Variants in ZFPM2 observed in about 807,000 individuals in gnomAD.
ZFPM2 encodes the protein zinc finger protein, FOG family member 2, also known as zinc finger protein ZFPM2.
ZFPM2 carries 20 observed loss-of-function variants against 98.6 expected under a neutral mutation model. That is an observed-to-expected ratio of 0.20 (90% confidence interval 0.14 to 0.29). ZFPM2 has a LOEUF of 0.29. ZFPM2 is among the 10% of genes least tolerant of loss of function. ZFPM2 has a pLI of 1.00. For missense variants in ZFPM2, 1,310 were observed against 1,388.6 expected (o/e 0.94, Z 0.90); for synonymous variants, 518 against 502.7 (o/e 1.03, Z -0.41).
intron 4 of ZFPM2, among the ~76,000 whole-genome samples, chr8:105,633,041 G>A (rs1586163462): frequency 6.6e-6 from 1 of 152,034 alleles, no homozygotes; most frequent in Admixed American, 6.6e-5. Flanking sequence ...TTTTCAGTAC[G>A]GCTTTGCAGT....
At chr8:105,487,992 CA>C (rs1813269139) in intron 3 of ZFPM2, among the ~76,000 whole-genome samples, 1 of 151,340 alleles carries the variant, frequency 6.6e-6, no homozygotes, top group South Asian at 2.1e-4. Flanking sequence ...AGTTTTACAG[CA>C]AAATTGAGAG....
intron 5 of ZFPM2, among the ~76,000 whole-genome samples, chr8:105,776,611 T>A (rs78130260): frequency 0.054 from 8,190 of 152,320 alleles, 294 homozygotes; most frequent in East Asian, 0.11. Context: ...CTTATTTATC[T>A]ACTTTTACTT....
Position 105,801,285 on chromosome 8 carries a change from A to T in ZFPM2, c.1203A>T (p.Pro401=), listed in dbSNP as rs1420867915. 4.2e-5 allele frequency: 68 copies of T among 1,613,934 alleles called. No homozygotes were observed. The highest frequency in any genetic ancestry group is 5.8e-5 in the Non-Finnish European group (68 of 1,179,870). ...GAGAAAGTGACATGGAACACTCTCC[A>T]AGTGCAACTGAAGACAGCTTACAGC... ...LPRESDMEHS[P]SATEDSLQPA... is the part of the protein sequence containing the mutation. Residue 401 remains proline, a synonymous_variant, in exon 8 of 8, where the codon CCA becomes CCT. Transcript: ENST00000407775.
chr8:105,752,543 G>A (rs1311612313), intron 5 of ZFPM2, among the ~76,000 whole-genome samples: 4 of 152,124 alleles, frequency 2.6e-5, no homozygotes, highest in African/African-American at 9.7e-5. Context: ...GCCCGTGGAC[G>A]TTCTCTCCTT....
intron 1 of ZFPM2, among the ~76,000 whole-genome samples, chr8:105,324,445 G>T (rs1388247692): frequency 6.6e-6 from 1 of 151,696 alleles, no homozygotes; most frequent in Non-Finnish European, 1.5e-5. Context: ...TGCTATTCAA[G>T]AACTAATTAG....
intron 5 of ZFPM2, among the ~76,000 whole-genome samples, chr8:105,727,880 G>A (rs1425827186): frequency 6.6e-6 from 1 of 151,248 alleles, no homozygotes; most frequent in East Asian, 2.0e-4. Context: ...AAGTTCAACA[G>A]CAGACAAAGG....
At chr8:105,781,883 T>G (rs954571513) in intron 5 of ZFPM2, among the ~76,000 whole-genome samples, 2 of 152,230 alleles carry the variant, frequency 1.3e-5, no homozygotes, top group Non-Finnish European at 1.5e-5. Context: ...TTCAGAGAGA[T>G]AATTGTGCCA....
chr8:105,369,889 C>T (rs1483351005), intron 1 of ZFPM2, among the ~76,000 whole-genome samples: 8 of 152,016 alleles, frequency 5.3e-5, no homozygotes, highest in Non-Finnish European at 1.0e-4. Context: ...CATGAATACA[C>T]ATACAAATAA....
rs372607130 is a variant in ZFPM2 at position 105,481,836 on chromosome 8, G to A, written c.301+37455G>A. Reference sequence around the variant, plus strand: ...TTTGGATGCAGTCACAAACTAACTCGATAGTGTGTGTTGGAGCACAAATTC... The same window carrying A: ...TTTGGATGCAGTCACAAACTAACTCAATAGTGTGTGTTGGAGCACAAATTC... On this transcript the variant is annotated intron_variant, in intron 3 of 7. Transcript: ENST00000407775. 7.9e-5 allele frequency among the ~76,000 whole-genome samples: 12 copies of A among 152,180 alleles called. No homozygotes were observed. In the East Asian group the frequency reaches 1.7e-3, roughly 22 times the overall value.
At position 105,801,049 on chromosome 8, in the gene ZFPM2, G is replaced by A. The variant is rs750674654; in HGVS notation, c.967G>A (p.Val323Met). The A allele has an allele frequency of 8.1e-6, 13 of 1,611,502 alleles. No individual in the cohort carries two copies. The highest frequency in any genetic ancestry group is 3.3e-5 in the Admixed American group (2 of 59,946). Residue 323 changes from valine to methionine, a missense_variant and splice_region_variant, in exon 8 of 8, where the codon GTG becomes ATG. Val to Met is a conservative substitution (Grantham distance 21). Coordinates refer to ENST00000407775, the MANE Select transcript of ZFPM2 (RefSeq NM_012082.4). ...TCTTATTTTGTATGTCTCTCTAGGAGTGAAAATGGAAGAATTCCTGCCCCC... is the reference window on the plus strand; with the variant it reads ...TCTTATTTTGTATGTCTCTCTAGGAATGAAAATGGAAGAATTCCTGCCCCC... Reference protein sequence around the residue: ...LEMHLNSHSGVKMEEFLPPGA... With the variant: ...LEMHLNSHSGMKMEEFLPPGA...
chr8:105,350,127 A>G (rs1455777872), intron 1 of ZFPM2, among the ~76,000 whole-genome samples: 1 of 152,216 alleles, frequency 6.6e-6, no homozygotes, highest in Non-Finnish European at 1.5e-5. Flanking sequence ...GGATAAAGAA[A>G]AATATTTTAA....
At chr8:105,402,233 A>G (rs1156318820) in intron 1 of ZFPM2, among the ~76,000 whole-genome samples, 1 of 152,044 alleles carries the variant, frequency 6.6e-6, no homozygotes, top group Non-Finnish European at 1.5e-5. Flanking sequence ...ACATGTTAAG[A>G]TGTTTATCAA....
intron 2 of ZFPM2, among the ~76,000 whole-genome samples, chr8:105,429,630 C>G (rs1028184265): frequency 6.6e-6 from 1 of 150,444 alleles, no homozygotes; most frequent in African/African-American, 2.5e-5. Flanking sequence ...GTGGCTGACT[C>G]CTAAAGGGAA....
chr8:105,416,219 A>G (rs1461776237), intron 1 of ZFPM2, among the ~76,000 whole-genome samples: 3 of 151,680 alleles, frequency 2.0e-5, no homozygotes, highest in Non-Finnish European at 4.4e-5. Flanking sequence ...AAAATGCTTT[A>G]TGTGTACATT....
At chr8:105,605,257 T>A (rs549722869) in intron 4 of ZFPM2, among the ~76,000 whole-genome samples, 5 of 152,218 alleles carry the variant, frequency 3.3e-5, no homozygotes, top group African/African-American at 1.2e-4. Flanking sequence ...CCAAGATTAG[T>A]CAATACAATT....
intron 3 of ZFPM2, among the ~76,000 whole-genome samples, chr8:105,477,205 T>A (rs1008746663): frequency 2.0e-5 from 3 of 151,416 alleles, no homozygotes; most frequent in Admixed American, 1.3e-4. Context: ...AATGAAATAA[T>A]TTCAGTTAAG....
chr8:105,330,237 T>G (rs1812186102), intron 1 of ZFPM2, among the ~76,000 whole-genome samples: 1 of 151,612 alleles, frequency 6.6e-6, no homozygotes, highest in Non-Finnish European at 1.5e-5. Flanking sequence ...TGTATCATTT[T>G]TCTCTGAGTT....
intron 6 of ZFPM2, among the ~76,000 whole-genome samples, chr8:105,789,673 A>G (rs1813538415): frequency 6.6e-6 from 1 of 152,226 alleles, no homozygotes; most frequent in East Asian, 1.9e-4. Flanking sequence ...GACTTCCACA[A>G]TGGTTGAACT....
chr8:105,567,282 T>A (rs1266863398), intron 4 of ZFPM2, among the ~76,000 whole-genome samples: 1 of 152,144 alleles, frequency 6.6e-6, no homozygotes, highest in African/African-American at 2.4e-5. Context: ...ACCTGAGCAC[T>A]TTTTTCCAGC....
Sources: gnomAD v4.1 joint callset for allele counts (sites outside exome capture counted in the v4.1 genomes callset) on GRCh38, gnomAD v4.1.1 for gene constraint, MANE v1.5 for transcripts, NCBI Gene and HGNC (gene_info 2026-07-23, HGNC 2026-07-21) for gene names.